The following CYP4B1 variants were observed in gnomAD, a reference collection of about 807,000 sequenced individuals.
CYP4B1 encodes the protein cytochrome P450 4B1.
A neutral mutation model predicts 54.0 loss-of-function variants in CYP4B1; 45 were observed. The observed-to-expected ratio is 0.83, with a 90% CI of 0.66 to 1.07. CYP4B1 has a LOEUF of 1.07. Among genes scored for constraint, CYP4B1 ranks in the 50% least tolerant of loss-of-function variants. The probability of loss-of-function intolerance (pLI) is 0.00; values close to 1 mark genes in which losing one functional copy is unlikely to be tolerated. For missense variants in CYP4B1, 656 were observed against 655.4 expected (o/e 1.00, Z -0.01); for synonymous variants, 248 against 247.5 (o/e 1.00, Z -0.02).
chr1:46,802,078 C>A (rs965856109), intron 1 of CYP4B1, among the ~76,000 whole-genome samples: 9 of 152,122 alleles, frequency 5.9e-5, no homozygotes, highest in African/African-American at 2.2e-4. Flanking sequence ...TTCCAGGGTC[C>A]CCCTCATTCC....
intron 11 of CYP4B1, among the ~76,000 whole-genome samples, 182 bp from the exon 12 acceptor site, chr1:46,818,449 T>C (rs2148413867): frequency 6.6e-6 from 1 of 152,290 alleles, no homozygotes; most frequent in Middle Eastern, 3.4e-3. Context: ...ACCATGTGAA[T>C]CTACCTGGTC....
intron 1 of CYP4B1, among the ~76,000 whole-genome samples, chr1:46,808,990 G>A (rs1216225712): frequency 4.8e-5 from 6 of 124,516 alleles, no homozygotes; most frequent in African/African-American, 1.9e-4. Context: ...GAGGGGGGAG[G>A]GGTAGCATTG....
chr1:46,809,201 C>CA (rs978674838), intron 1 of CYP4B1, among the ~76,000 whole-genome samples: 3 of 106,746 alleles, frequency 2.8e-5, no homozygotes, highest in Admixed American at 8.8e-5. Context: ...CAAAACAAAA[C>CA]AAAAAAAAGC....
At chr1:46,802,949 A>G (rs1028874286) in intron 1 of CYP4B1, among the ~76,000 whole-genome samples, 6 of 152,220 alleles carry the variant, frequency 3.9e-5, no homozygotes, top group African/African-American at 1.4e-4. Flanking sequence ...CACAGGCTGG[A>G]AAAAGCAGTG....
intron 9 of CYP4B1, 68 bp from the exon 10 acceptor site, chr1:46,817,897 T>C (rs983897751): frequency 6.9e-6 from 10 of 1,440,124 alleles, no homozygotes; most frequent in Non-Finnish European, 8.8e-6. Flanking sequence ...TAGGGGACTC[T>C]GACCTTATGT....
chr1:46,813,170 C>T (rs966326342), intron 4 of CYP4B1, among the ~76,000 whole-genome samples: 1 of 152,142 alleles, frequency 6.6e-6, no homozygotes, highest in African/African-American at 2.4e-5. Flanking sequence ...ATACACCATG[C>T]GGGGGAGCTC....
At chr1:46,818,533 CA>C in intron 11 of CYP4B1, 97 bp from the exon 12 acceptor site, 3 of 1,280,718 alleles carry the variant, frequency 2.3e-6, no homozygotes, top group Non-Finnish European at 3.4e-6. Context: ...GTTATTCATC[CA>C]AAAACAGTTA....
rs756165431 is a variant in CYP4B1, at chr1:46,813,416, G to A, written c.496-66G>A. ...GGCTACGGGTCCTGGAGGGCAGCTT[G>A]GGGCATCCAGCCCAACTAACCCCTG... On this transcript the variant is annotated intron_variant, in intron 4 of 11. Coordinates refer to ENST00000371923, the MANE Select transcript of CYP4B1 (RefSeq NM_001099772.2). 39 of 1,604,312 alleles carry A rather than the reference G, an allele frequency of 2.4e-5. No homozygotes were observed. In the Admixed American group the frequency reaches 6.5e-4, roughly 27 times the overall value.
chr1:46,818,806 G>A lies in CYP4B1; in HGVS notation c.1531G>A (p.Gly511Arg), dbSNP rs1679443804. 3.7e-6 allele frequency: 6 copies of A among 1,614,092 alleles called. No individual in the cohort carries two copies. The highest frequency in any genetic ancestry group is 5.1e-6 in the Non-Finnish European group (6 of 1,180,002). The change falls in exon 12 of 12, where the codon GGG becomes AGG. Residue 511 changes from glycine to arginine, a missense_variant. By Grantham distance (125) the Gly-to-Arg change is moderately radical. Coordinates refer to ENST00000371923, the MANE Select transcript of CYP4B1 (RefSeq NM_001099772.2). The part of the protein sequence containing the change: ...LHLKPLGPGS[G>R]K Reference sequence around the variant, plus strand: ...CCTGAAGCCACTGGGCCCTGGGTCTGGGAAGTAGCTCTGATGAGAATGGGG... The same window carrying A: ...CCTGAAGCCACTGGGCCCTGGGTCTAGGAAGTAGCTCTGATGAGAATGGGG...
chr1:46,809,181 A>AAAAACAAAAC lies in CYP4B1; in HGVS notation c.181-1612_181-1603dup, dbSNP rs200544294. Among the ~76,000 whole-genome samples the AAAAACAAAAC allele has an allele frequency of 1.8e-3, 270 of 146,672 alleles. 3 individuals carry two copies. The highest frequency in any genetic ancestry group is 6.5e-3 in the African/African-American group (263 of 40,258). ...TAAACAATATGCAAAATCCTTAAAA[A>AAAAACAAAAC]AAAACAAAACAAAACAAAACAAAAA... On this transcript the variant is annotated intron_variant, in intron 1 of 11. Coordinates refer to ENST00000371923, the MANE Select transcript of CYP4B1 (RefSeq NM_001099772.2).
intron 4 of CYP4B1, among the ~76,000 whole-genome samples, chr1:46,813,233 C>T (rs979547203): frequency 4.6e-5 from 7 of 152,228 alleles, no homozygotes; most frequent in South Asian, 2.1e-4. Context: ...TGGGAGAAAA[C>T]GTCTGTGTGC....
intron 1 of CYP4B1, among the ~76,000 whole-genome samples, chr1:46,806,407 C>T (rs1381552236): frequency 6.6e-6 from 1 of 152,242 alleles, no homozygotes; most frequent in Non-Finnish European, 1.5e-5. Context: ...GTTTCTTGGA[C>T]ACTGGCCCAC....
At chr1:46,800,044 C>T (rs962910623) in intron 1 of CYP4B1, among the ~76,000 whole-genome samples, 10 of 152,174 alleles carry the variant, frequency 6.6e-5, no homozygotes, top group Non-Finnish European at 1.5e-4. Context: ...CATTTATAAA[C>T]CTGTCCAAGT....
chr1:46,808,961 G>C (rs377453139), intron 1 of CYP4B1, among the ~76,000 whole-genome samples: 15,837 of 115,696 alleles, frequency 0.14, 1,115 homozygotes, highest in Middle Eastern at 0.23. Context: ...ACACTCTGGG[G>C]ACTGTGGTGG....
intron 2 of CYP4B1, 24 bp downstream of exon 2, chr1:46,810,973 C>T: frequency 6.2e-7 from 1 of 1,613,270 alleles, no homozygotes; most frequent in East Asian, 2.2e-5. Flanking sequence ...ATGGGGATCT[C>T]AGGAGAGGGT....
intron 1 of CYP4B1, among the ~76,000 whole-genome samples, chr1:46,807,835 G>C (rs148719240): frequency 1.5e-3 from 232 of 152,354 alleles, no homozygotes; most frequent in Admixed American, 4.3e-3. Flanking sequence ...AGCCCTTGGA[G>C]ATAGTGGCTT....
intron 1 of CYP4B1, among the ~76,000 whole-genome samples, chr1:46,800,255 T>C (rs1678589511): frequency 1.0e-5 from 1 of 99,384 alleles, no homozygotes; most frequent in African/African-American, 3.6e-5. Flanking sequence ...CCTTCCTTCC[T>C]TCCTTCCTTC....
chr1:46,809,715 A>G (rs1679020232), intron 1 of CYP4B1, among the ~76,000 whole-genome samples: 1 of 152,250 alleles, frequency 6.6e-6, no homozygotes, highest in South Asian at 2.1e-4. Flanking sequence ...TGGGCAGGCC[A>G]CTAGGAGTGT....
At chr1:46,812,275 A>G (rs774183824) in intron 3 of CYP4B1, 11 of 680,716 alleles carry the variant, frequency 1.6e-5, no homozygotes, top group Non-Finnish European at 3.0e-5. Context: ...AAACTGAGTT[A>G]TCCTGTCCTA....
Sources: allele counts gnomAD v4.1 joint callset (sites outside exome capture counted in the v4.1 genomes callset), GRCh38; gene constraint gnomAD v4.1.1; transcripts MANE v1.5; gene names NCBI Gene and HGNC (gene_info 2026-07-23, HGNC 2026-07-21).